The following PTPRD variants were observed in gnomAD, a reference collection of about 807,000 sequenced individuals.
PTPRD encodes protein tyrosine phosphatase receptor type D.
A neutral mutation model predicts 214.5 loss-of-function variants in PTPRD; 34 were observed. The observed-to-expected ratio is 0.16, with a 90% CI of 0.12 to 0.21. PTPRD has a LOEUF of 0.21. Among genes scored for constraint, PTPRD ranks in the 10% least tolerant of loss-of-function variants. The pLI, the probability that PTPRD is intolerant of heterozygous loss-of-function variation, is 1.00. For synonymous variants in PTPRD, 1,128 were observed against 845.7 expected (o/e 1.33, Z -5.79); for missense variants, 2,545 against 2,398.7 (o/e 1.06, Z -1.27).
chr9:9,985,204 G>A (rs1445096284), intron 4 of PTPRD, among the ~76,000 whole-genome samples: 1 of 152,150 alleles, frequency 6.6e-6, no homozygotes, highest in Non-Finnish European at 1.5e-5. Flanking sequence ...GCCTTGAGAA[G>A]GGAGTCTCTT....
chr9:10,543,281 T>C (rs560575346), intron 2 of PTPRD, among the ~76,000 whole-genome samples: 1 of 152,210 alleles, frequency 6.6e-6, no homozygotes, highest in East Asian at 1.9e-4. Context: ...CTAAAGCAAT[T>C]TATGAAATAT....
chr9:9,663,479 T>A (rs1005295300), intron 7 of PTPRD, among the ~76,000 whole-genome samples: 1 of 151,528 alleles, frequency 6.6e-6, no homozygotes, highest in Middle Eastern at 3.2e-3. Context: ...ATTATCCACT[T>A]CACTTTTTTG....
chr9:8,646,536 A>G (rs2096695984), intron 12 of PTPRD, among the ~76,000 whole-genome samples: 1 of 152,074 alleles, frequency 6.6e-6, no homozygotes, highest in Non-Finnish European at 1.5e-5. Context: ...CTGTTCCCTC[A>G]TGTAAAATGC....
chr9:9,496,849 C>G (rs1232796878), intron 8 of PTPRD, among the ~76,000 whole-genome samples: 3 of 152,134 alleles, frequency 2.0e-5, no homozygotes, highest in African/African-American at 7.2e-5. Context: ...GGCAGCAACT[C>G]AAGTGTCCAT....
intron 3 of PTPRD, among the ~76,000 whole-genome samples, chr9:10,208,492 C>T (rs902768209): frequency 4.6e-5 from 7 of 152,138 alleles, no homozygotes; most frequent in Non-Finnish European, 5.9e-5. Context: ...CCAGCCTGGG[C>T]GACAGAGCGA....
chr9:9,411,680 C>T (rs913679611), intron 8 of PTPRD, among the ~76,000 whole-genome samples: 5 of 152,222 alleles, frequency 3.3e-5, no homozygotes, highest in African/African-American at 1.2e-4. Flanking sequence ...AAACAGGCAA[C>T]TTCCATTACC....
intron 8 of PTPRD, among the ~76,000 whole-genome samples, chr9:9,449,891 C>G (rs549551774): frequency 4.0e-4 from 61 of 151,840 alleles, no homozygotes; most frequent in Non-Finnish European, 7.5e-4. Flanking sequence ...TCCAACCCAC[C>G]CTTCCTCCCA....
intron 10 of PTPRD, among the ~76,000 whole-genome samples, chr9:9,031,177 G>C (rs1312515431): frequency 6.7e-6 from 1 of 150,120 alleles, no homozygotes; most frequent in East Asian, 2.0e-4. Context: ...TTGATGCAGA[G>C]CCAGGAAATA....
At chr9:10,569,905 G>A (rs887267507) in intron 2 of PTPRD, among the ~76,000 whole-genome samples, 2 of 152,106 alleles carry the variant, frequency 1.3e-5, no homozygotes, top group East Asian at 3.9e-4. Context: ...AGTAGTTCTA[G>A]TGTTACTCAT....
At chr9:10,605,660 G>T (rs917580118) in intron 2 of PTPRD, among the ~76,000 whole-genome samples, 2 of 151,698 alleles carry the variant, frequency 1.3e-5, no homozygotes, top group African/African-American at 4.8e-5. Flanking sequence ...TACGTATCTG[G>T]AAATTTTTCT....
At chr9:9,440,255 A>C (rs1228001737) in intron 8 of PTPRD, among the ~76,000 whole-genome samples, 1 of 152,186 alleles carries the variant, frequency 6.6e-6, no homozygotes, top group Admixed American at 6.5e-5. Flanking sequence ...ATGTTTATCA[A>C]ATTTGTGTAC....
intron 44 of PTPRD, among the ~76,000 whole-genome samples, chr9:8,331,154 G>A (rs1840313003): frequency 6.7e-6 from 1 of 148,548 alleles, no homozygotes; most frequent in Admixed American, 6.6e-5. Flanking sequence ...AGCACTTATT[G>A]ACTGGCAGAA....
chr9:9,765,905 G>C (rs557772477), intron 6 of PTPRD, among the ~76,000 whole-genome samples: 1 of 151,932 alleles, frequency 6.6e-6, no homozygotes, highest in Non-Finnish European at 1.5e-5. Flanking sequence ...CTCGTGATCC[G>C]CCCGCCTCAG....
Position 8,955,272 on chromosome 9 carries a change from G to A in PTPRD, c.-104+63425C>T, listed in dbSNP as rs76538637. Reference sequence around the variant, plus strand: ...TTGAGAGAAAGCCTTGAAAGTAAAGGTTACTTATGGATTCCTGGAGACAGG... The same window carrying A: ...TTGAGAGAAAGCCTTGAAAGTAAAGATTACTTATGGATTCCTGGAGACAGG... On this transcript the variant is annotated intron_variant, in intron 11 of 45. Coordinates refer to ENST00000381196, the MANE Select transcript of PTPRD (RefSeq NM_002839.4). 3.8e-3 allele frequency among the ~76,000 whole-genome samples: 584 copies of A among 151,962 alleles called. 5 individuals carry two copies. The highest frequency in any genetic ancestry group is 0.013 in the African/African-American group (556 of 41,502).
chr9:10,351,113 G>A (rs903245240), intron 2 of PTPRD, among the ~76,000 whole-genome samples: 1 of 152,078 alleles, frequency 6.6e-6, no homozygotes, highest in African/African-American at 2.4e-5. Context: ...ACTTTATAAA[G>A]TGTTAAAGAA....
intron 3 of PTPRD, among the ~76,000 whole-genome samples, chr9:10,326,066 T>C (rs1316835859): frequency 1.3e-5 from 2 of 151,804 alleles, no homozygotes; most frequent in African/African-American, 4.8e-5. Context: ...AAGGTAGATA[T>C]ATATTTTCTT....
chr9:10,492,093 T>C (rs1176376143), intron 2 of PTPRD, among the ~76,000 whole-genome samples: 1 of 152,202 alleles, frequency 6.6e-6, no homozygotes, highest in Non-Finnish European at 1.5e-5. Context: ...TGTGCCACAT[T>C]GTCTTTATCC....
chr9:9,702,791 T>G (rs976887558), intron 7 of PTPRD, among the ~76,000 whole-genome samples: 2 of 152,150 alleles, frequency 1.3e-5, no homozygotes, highest in Admixed American at 1.3e-4. Flanking sequence ...ATTAATACAC[T>G]TAATGGCTAG....
intron 9 of PTPRD, among the ~76,000 whole-genome samples, chr9:9,279,657 G>A (rs958612387): frequency 6.6e-6 from 1 of 150,624 alleles, no homozygotes; most frequent in Non-Finnish European, 1.5e-5. Context: ...TTTTCAAGAA[G>A]AGAATGTTTA....
Sources: allele counts gnomAD v4.1 joint callset (sites outside exome capture counted in the v4.1 genomes callset), GRCh38; gene constraint gnomAD v4.1.1; transcripts MANE v1.5; gene names NCBI Gene and HGNC (gene_info 2026-07-23, HGNC 2026-07-21).